RYR3: variants seen among roughly 807,000 people sequenced by gnomAD.
RYR3 encodes the protein ryanodine receptor 3.
A neutral mutation model predicts 584.3 loss-of-function variants in RYR3; 207 were observed. That is an observed-to-expected ratio of 0.35 (90% CI 0.32 to 0.40). The LOEUF is 0.40. Among genes scored for constraint, RYR3 ranks in the 10% least tolerant of loss-of-function variants. The pLI, the probability that RYR3 is intolerant of heterozygous loss-of-function variation, is 1.00. For synonymous variants in RYR3, 2,416 were observed against 2,248.5 expected, an observed-to-expected ratio of 1.07 and a Z score of -2.11; for missense variants, 5,616 against 6,089.2, an observed-to-expected ratio of 0.92 and a Z score of 2.59.
At chr15:33,767,621 TG>T (rs1220237649) in intron 60 of RYR3, among the ~76,000 whole-genome samples, 2 of 152,200 alleles carry the variant, frequency 1.3e-5, no homozygotes, top group Non-Finnish European at 2.9e-5. Flanking sequence ...ACTTCTGCCC[TG>T]AATGGGGTAA....
At chr15:33,473,364 G>A in intron 1 of RYR3, 55 bp from the exon 2 acceptor site, 1 of 1,610,998 alleles carries the variant, frequency 6.2e-7, no homozygotes, top group Non-Finnish European at 8.5e-7. Context: ...AGGTGACTCG[G>A]GGCCTGGCTC....
Position 33,533,420 on chromosome 15 carries a change from C to T in RYR3, c.433+31C>T. On this transcript the variant is annotated intron_variant, in intron 5 of 103. Transcript: ENST00000634891. The stretch of plus-strand genomic sequence containing the variant: ...TCAGCATTCCCAGATCTCTTGAGCT[C>T]AGCGGGGGTCTTGGGCTAAGGGGCT... 3.3e-6 allele frequency: 5 copies of T among 1,506,412 alleles called. No individual in the cohort carries two copies. In the South Asian group the frequency reaches 4.7e-5, roughly 14 times the overall value. The allele number at this position is 1,506,412 out of a possible 1,614,324, so 93.3% of individuals were successfully genotyped here.
chr15:33,813,748 T>C lies in RYR3; in HGVS notation c.10502+169T>C, dbSNP rs893735068. Reference sequence around the variant, plus strand: ...AAGGGCCTGGCTAAGACAATCAAGGTAAGCATAAAAACTGAAACCAGATGA... The same window carrying C: ...AAGGGCCTGGCTAAGACAATCAAGGCAAGCATAAAAACTGAAACCAGATGA... On this transcript the variant is annotated intron_variant, in intron 74 of 103. Transcript: ENST00000634891. 5.2e-6 allele frequency: 3 copies of C among 573,212 alleles called. No individual in the cohort carries two copies. In the African/African-American group the frequency reaches 5.7e-5, roughly 11 times the overall value. The allele number at this position is 573,212 out of a possible 1,614,324, so 35.5% of individuals were successfully genotyped here.
At chr15:33,420,963 C>A (rs533611293) in intron 1 of RYR3, among the ~76,000 whole-genome samples, 36 of 152,004 alleles carry the variant, frequency 2.4e-4, no homozygotes, top group African/African-American at 8.4e-4. Flanking sequence ...GGAGGTGTGC[C>A]TAAATTTTTC....
intron 2 of RYR3, among the ~76,000 whole-genome samples, chr15:33,496,811 A>G (rs768856330): frequency 6.3e-4 from 96 of 152,144 alleles, no homozygotes; most frequent in Admixed American, 1.0e-3. Context: ...CATCCCTGGG[A>G]AAGTTCCTGC....
intron 22 of RYR3, among the ~76,000 whole-genome samples, chr15:33,630,713 A>G (rs1401584638): frequency 5.3e-5 from 8 of 152,376 alleles, no homozygotes; most frequent in Admixed American, 2.6e-4. Flanking sequence ...TACAGGCATC[A>G]TGCAGTAAAT....
At chr15:33,488,647 T>C (rs190045668) in intron 2 of RYR3, among the ~76,000 whole-genome samples, 1 of 152,170 alleles carries the variant, frequency 6.6e-6, no homozygotes, top group Admixed American at 6.5e-5. Context: ...GGTCAGGAGA[T>C]CGAGACCATC....
At chr15:33,594,306 A>C (rs1295375254) in intron 16 of RYR3, among the ~76,000 whole-genome samples, 1 of 152,232 alleles carries the variant, frequency 6.6e-6, no homozygotes, top group Non-Finnish European at 1.5e-5. Flanking sequence ...TTCTTATTGT[A>C]CTTATGCAAA....
intron 32 of RYR3, among the ~76,000 whole-genome samples, chr15:33,656,031 G>A (rs1456557399): frequency 2.6e-5 from 4 of 152,076 alleles, no homozygotes; most frequent in South Asian, 2.1e-4. Flanking sequence ...AATCAGTGGC[G>A]AATTTGAGAA....
intron 1 of RYR3, among the ~76,000 whole-genome samples, chr15:33,362,948 G>A (rs1411787012): frequency 1.3e-5 from 2 of 152,156 alleles, no homozygotes; most frequent in African/African-American, 4.8e-5. Flanking sequence ...CAGCAGTTGA[G>A]CTTGGGTCTG....
intron 1 of RYR3, among the ~76,000 whole-genome samples, chr15:33,359,442 C>T (rs1567091290): frequency 6.6e-6 from 1 of 152,110 alleles, no homozygotes; most frequent in Non-Finnish European, 1.5e-5. Context: ...CACCAGACAC[C>T]ACTCTGCCCC....
intron 1 of RYR3, among the ~76,000 whole-genome samples, chr15:33,403,442 G>A (rs940391482): frequency 3.3e-5 from 5 of 152,194 alleles, no homozygotes; most frequent in African/African-American, 1.2e-4. Flanking sequence ...GATGTCTGAT[G>A]TTTTGAGTAA....
chr15:33,712,151 G>T (rs2067166456), intron 43 of RYR3, among the ~76,000 whole-genome samples: 1 of 152,072 alleles, frequency 6.6e-6, no homozygotes, highest in Non-Finnish European at 1.5e-5. Flanking sequence ...GCAAGGGGGA[G>T]GTGCCACACA....
rs186624956 is a variant in RYR3, at chr15:33,539,789, A to C, written c.546+327A>C. 1.3e-4 allele frequency among the ~76,000 whole-genome samples: 20 copies of C among 152,312 alleles called. No individual in the cohort carries two copies. The East Asian group carries it at 3.9e-3, about 29-fold the overall frequency. On this transcript the variant is annotated intron_variant, in intron 6 of 103. Coordinates refer to ENST00000634891, the MANE Select transcript of RYR3 (RefSeq NM_001036.6). Reference sequence around the variant, plus strand: ...TATATTGCATTCTTACAATAAAGGAAGACAGAAAAAATGTTAAGGAAATCA... The same window carrying C: ...TATATTGCATTCTTACAATAAAGGACGACAGAAAAAATGTTAAGGAAATCA...
At chr15:33,392,100 C>T (rs1324706916) in intron 1 of RYR3, among the ~76,000 whole-genome samples, 1 of 151,826 alleles carries the variant, frequency 6.6e-6, no homozygotes, top group African/African-American at 2.4e-5. Context: ...GTCCGTTTCC[C>T]CCATTTGATC....
intron 1 of RYR3, among the ~76,000 whole-genome samples, chr15:33,464,905 CT>C (rs1038605479): frequency 5.9e-5 from 9 of 152,224 alleles, no homozygotes; most frequent in East Asian, 1.9e-4. Flanking sequence ...CCCATCCCCC[CT>C]GTCTCTGACA....
intron 10 of RYR3, 135 bp downstream of exon 10, chr15:33,550,451 ACTTT>A: frequency 2.6e-6 from 2 of 776,816 alleles, no homozygotes; most frequent in Non-Finnish European, 4.1e-6. Flanking sequence ...ATAGATAAAC[ACTTT>A]CTTCTTTTAT....
At chr15:33,404,628 G>A (rs1029428848) in intron 1 of RYR3, among the ~76,000 whole-genome samples, 9 of 150,050 alleles carry the variant, frequency 6.0e-5, no homozygotes, top group African/African-American at 2.2e-4. Context: ...AAAACACTAG[G>A]CTTCAGTCAC....
At chr15:33,432,668 T>TGTGTGTGTGTGTGTGTGTGTGTG (rs113646851) in intron 1 of RYR3, among the ~76,000 whole-genome samples, 42 of 132,196 alleles carry the variant, frequency 3.2e-4, no homozygotes, top group African/African-American at 1.2e-3. Flanking sequence ...GCCTAGCTAA[T>TGTGTGTGTGTGTGTGTGTGTGTG]TGTGTGTGTG....
Sources: allele counts gnomAD v4.1 joint callset (sites outside exome capture counted in the v4.1 genomes callset), GRCh38; gene constraint gnomAD v4.1.1; transcripts MANE v1.5; gene names NCBI Gene and HGNC (gene_info 2026-07-23, HGNC 2026-07-21).